Variants in MCTP2 observed in about 807,000 individuals in gnomAD.
MCTP2 encodes the protein multiple C2 and transmembrane domain containing 2, also known as multiple C2 and transmembrane domain-containing protein 2.
A neutral mutation model predicts 111.6 loss-of-function variants in MCTP2; 132 were observed. The observed-to-expected ratio is 1.18, with a 90% CI of 1.03 to 1.37. MCTP2 has a LOEUF of 1.37. MCTP2 is among the 40% of genes most tolerant of loss of function. MCTP2 has a pLI of 0.00. For synonymous variants in MCTP2, 395 were observed against 387.7 expected (o/e 1.02, Z -0.22); for missense variants, 1,183 against 1,067.9 (o/e 1.11, Z -1.50).
At chr15:94,378,470 A>G (rs554268720) in intron 12 of MCTP2, among the ~76,000 whole-genome samples, 11 of 152,262 alleles carry the variant, frequency 7.2e-5, no homozygotes, top group African/African-American at 2.4e-4. Context: ...TTACAGTACC[A>G]TGAGCTATGA....
intron 1 of MCTP2, among the ~76,000 whole-genome samples, chr15:94,236,377 C>CT (rs71132992): frequency 0.058 from 4,239 of 72,520 alleles, 397 homozygotes; most frequent in East Asian, 0.12. Flanking sequence ...TCTTTTTTTT[C>CT]TTTTTTTTTT....
intron 1 of MCTP2, among the ~76,000 whole-genome samples, chr15:94,297,241 A>G (rs1348905974): frequency 2.0e-5 from 3 of 152,180 alleles, no homozygotes; most frequent in Non-Finnish European, 4.4e-5. Flanking sequence ...TGATGAGTTC[A>G]ACCTGTTATA....
At chr15:94,384,157 T>G in intron 13 of MCTP2, 33 bp downstream of exon 13, 1 of 1,488,596 alleles carries the variant, frequency 6.7e-7, no homozygotes, top group Non-Finnish European at 9.3e-7. Flanking sequence ...TTATTTCTGC[T>G]GTGCTTGGAA....
rs1014622275 is a variant in MCTP2, at chr15:94,270,630, C to T, written c.-65-27571C>T. Among the ~76,000 whole-genome samples, 8 of 152,222 alleles carry T rather than the reference C, an allele frequency of 5.3e-5. 1 individual carries two copies. In the South Asian group the frequency reaches 1.7e-3, roughly 32 times the overall value. ...TCTCCCCAGGTGGGCTGCCTACCCCCTATCCCCCTCTCCTGGCCTTCTGCA... is the reference window on the plus strand; with the variant it reads ...TCTCCCCAGGTGGGCTGCCTACCCCTTATCCCCCTCTCCTGGCCTTCTGCA... On this transcript the variant is annotated intron_variant, in intron 1 of 22. Transcript: ENST00000357742.
In MCTP2 at chr15:94,298,348, T is replaced by TG. The variant is rs1567351726; in HGVS notation, c.84dup (p.Lys29GlufsTer6). The TG allele has an allele frequency of 1.2e-6, 2 of 1,613,906 alleles. No homozygotes were observed. The highest frequency in any genetic ancestry group is 1.7e-6 in the Non-Finnish European group (2 of 1,179,974). The stretch of plus-strand genomic sequence containing the variant: ...TTGATCAACTTGAGCAAGAAGAAGG[T>TG]GAAAAAGAACCCAAGTAAGCCCCCA... On this transcript the variant is annotated frameshift_variant, in exon 2 of 23. Transcript: ENST00000357742. LOFTEE classifies it high-confidence loss of function.
chr15:94,393,380 G>A (rs887835278), intron 14 of MCTP2, among the ~76,000 whole-genome samples: 1 of 152,148 alleles, frequency 6.6e-6, no homozygotes, highest in Non-Finnish European at 1.5e-5. Flanking sequence ...AAGTCATTGA[G>A]GAAATGATAA....
intron 1 of MCTP2, among the ~76,000 whole-genome samples, chr15:94,263,835 G>A (rs1299326982): frequency 6.6e-6 from 1 of 152,216 alleles, no homozygotes; most frequent in Non-Finnish European, 1.5e-5. Context: ...GGGTTATAAA[G>A]AAACTTTAGC....
chr15:94,361,088 T>TTG (rs1302182120), intron 10 of MCTP2, among the ~76,000 whole-genome samples: 4 of 97,864 alleles, frequency 4.1e-5, no homozygotes, highest in African/African-American at 1.5e-4. Flanking sequence ...TTTCAAGTTT[T>TTG]TTTTTTTTTT....
chr15:94,470,330 C>T lies in MCTP2; in HGVS notation c.2361-3C>T, dbSNP rs1337323127. On this transcript the variant is annotated splice_polypyrimidine_tract_variant and splice_region_variant and intron_variant, in intron 20 of 22. Coordinates refer to ENST00000357742, the MANE Select transcript of MCTP2 (RefSeq NM_001385001.1). ...AAATTATATTTATGTGGTTTGTCTA[C>T]AGCACATTTAACTGGACGGTCCCCT... The T allele has an allele frequency of 2.5e-6, 4 of 1,599,534 alleles. No individual in the cohort carries two copies. Among genetic ancestry groups the T allele is most frequent in the South Asian group, 2.2e-5 (2 of 90,802 alleles).
intron 18 of MCTP2, among the ~76,000 whole-genome samples, chr15:94,441,364 C>A (rs1428447180): frequency 6.6e-6 from 1 of 152,116 alleles, no homozygotes; most frequent in Non-Finnish European, 1.5e-5. Context: ...TTTAATAGAT[C>A]CATTTAAGGA....
At chr15:94,429,798 A>G (rs1194051272) in intron 17 of MCTP2, among the ~76,000 whole-genome samples, 1 of 152,106 alleles carries the variant, frequency 6.6e-6, no homozygotes, top group Non-Finnish European at 1.5e-5. Context: ...CAAACCATAT[A>G]TCTAAGGTTT....
chr15:94,312,150 C>T (rs1034652145), intron 2 of MCTP2, among the ~76,000 whole-genome samples: 4 of 152,120 alleles, frequency 2.6e-5, no homozygotes, highest in East Asian at 1.9e-4. Flanking sequence ...GCATCAGCAC[C>T]GTTTACTCTT....
chr15:94,348,519 G>A (rs770449561), intron 8 of MCTP2, among the ~76,000 whole-genome samples: 5 of 13,746 alleles, frequency 3.6e-4, no homozygotes, highest in South Asian at 2.0e-3. Flanking sequence ...GAACTGCTCC[G>A]TGACCAGAGC....
At chr15:94,403,570 T>G (rs969557859) in intron 17 of MCTP2, among the ~76,000 whole-genome samples, 1 of 152,130 alleles carries the variant, frequency 6.6e-6, no homozygotes, top group African/African-American at 2.4e-5. Flanking sequence ...CTGGATTCTG[T>G]AGGGAGATGA....
At position 94,440,174 on chromosome 15, in the gene MCTP2, A is replaced by C; in HGVS notation, c.2086-2A>C. 1.2e-6 allele frequency: 2 copies of C among 1,613,828 alleles called. No homozygotes were observed. The highest frequency in any genetic ancestry group is 1.7e-6 in the Non-Finnish European group (2 of 1,179,900). On this transcript the variant is annotated splice_acceptor_variant, in intron 17 of 22. Coordinates refer to ENST00000357742, the MANE Select transcript of MCTP2 (RefSeq NM_001385001.1). LOFTEE classifies it high-confidence loss of function. ...GTGTATTCTTATTTGTCTTTCAATCAGGTATTTTTGATCACTGTCTGGAAT... is the reference window on the plus strand; with the variant it reads ...GTGTATTCTTATTTGTCTTTCAATCCGGTATTTTTGATCACTGTCTGGAAT...
intron 10 of MCTP2, among the ~76,000 whole-genome samples, chr15:94,365,542 T>C (rs532374122): frequency 6.6e-6 from 1 of 152,212 alleles, no homozygotes; most frequent in Non-Finnish European, 1.5e-5. Context: ...TCCAATAAGT[T>C]GAGCACTTAA....
chr15:94,407,136 A>G (rs1160927269), intron 17 of MCTP2, among the ~76,000 whole-genome samples: 1 of 152,142 alleles, frequency 6.6e-6, no homozygotes, highest in Non-Finnish European at 1.5e-5. Context: ...TTGTTATGAC[A>G]TACTTATATT....
At chr15:94,396,154 C>G (rs1402568052) in intron 14 of MCTP2, among the ~76,000 whole-genome samples, 4 of 152,026 alleles carry the variant, frequency 2.6e-5, no homozygotes, top group African/African-American at 9.7e-5. Context: ...TTATTTTATC[C>G]AAGACTCATA....
chr15:94,435,026 G>A (rs1175758084), intron 17 of MCTP2, among the ~76,000 whole-genome samples: 2 of 151,972 alleles, frequency 1.3e-5, no homozygotes, highest in African/African-American at 4.8e-5. Flanking sequence ...ACCATGCCTG[G>A]CTAATTTTTC....
Sources: gnomAD v4.1 joint callset for allele counts (sites outside exome capture counted in the v4.1 genomes callset) on GRCh38, gnomAD v4.1.1 for gene constraint, MANE v1.5 for transcripts, NCBI Gene and HGNC (gene_info 2026-07-23, HGNC 2026-07-21) for gene names.